Variants in DLG2 observed in about 807,000 individuals in gnomAD.
The protein encoded by DLG2 is disks large homolog 2.
Under a neutral mutation model 132.5 loss-of-function variants are expected in DLG2, and 45 were observed. That is an observed-to-expected ratio of 0.34 (90% CI 0.27 to 0.44). The LOEUF (loss-of-function observed/expected upper bound fraction) is 0.44. DLG2 is among the 20% of genes least tolerant of loss of function. The probability of loss-of-function intolerance (pLI) is 1.00; values close to 1 mark genes in which losing one functional copy is unlikely to be tolerated. For missense variants in DLG2, 1,045 were observed against 1,196.9 expected (o/e 0.87, Z 1.87); for synonymous variants, 424 against 419.6 (o/e 1.01, Z -0.13).
intron 6 of DLG2, among the ~76,000 whole-genome samples, chr11:84,587,101 G>T (rs1171071206): frequency 1.3e-5 from 2 of 151,368 alleles, no homozygotes; most frequent in Non-Finnish European, 2.9e-5. Flanking sequence ...GAGAGTGTGA[G>T]AAGTACATAT....
intron 7 of DLG2, among the ~76,000 whole-genome samples, chr11:84,308,530 C>T (rs2098251977): frequency 6.6e-6 from 1 of 152,230 alleles, no homozygotes; most frequent in Admixed American, 6.5e-5. Flanking sequence ...AGCTGCCTGC[C>T]AGTCCCCCGC....
chr11:85,314,134 T>G lies in DLG2; in HGVS notation c.41-28769A>C, dbSNP rs138893730. On this transcript the variant is annotated intron_variant, in intron 3 of 27. Transcript: ENST00000376104. ...AGGAACATTTATTGAGAACATACAATATGCCAAGCTCTGTGCTAAGCAACA... is the reference window on the plus strand; with the variant it reads ...AGGAACATTTATTGAGAACATACAAGATGCCAAGCTCTGTGCTAAGCAACA... Among the ~76,000 whole-genome samples, 614 of 152,126 alleles carry G rather than the reference T, an allele frequency of 4.0e-3. 8 individuals are homozygous for G. Among genetic ancestry groups the G allele is most frequent in the African/African-American group, 0.013 (534 of 41,558 alleles).
At chr11:83,794,851 C>T (rs146799235) in intron 17 of DLG2, among the ~76,000 whole-genome samples, 1,760 of 152,114 alleles carry the variant, frequency 0.012, 16 homozygotes, top group Middle Eastern at 0.031. Flanking sequence ...TGTCTAATTC[C>T]GAGGGTCTAC....
chr11:84,826,394 C>T (rs1599014054), intron 6 of DLG2, among the ~76,000 whole-genome samples: 2 of 151,962 alleles, frequency 1.3e-5, no homozygotes, highest in East Asian at 2.0e-4. Context: ...TCCACATCAA[C>T]AGCCTTGCTA....
At chr11:85,549,608 C>A (rs532548474) in intron 3 of DLG2, among the ~76,000 whole-genome samples, 1 of 152,268 alleles carries the variant, frequency 6.6e-6, no homozygotes, top group South Asian at 2.1e-4. Flanking sequence ...AAGACTGAGA[C>A]CTACTGGGCT....
chr11:85,503,365 G>A (rs1324448708), intron 3 of DLG2, among the ~76,000 whole-genome samples: 1 of 152,014 alleles, frequency 6.6e-6, no homozygotes, highest in Admixed American at 6.6e-5. Context: ...TTTGATCTGA[G>A]TCACTATATT....
chr11:83,500,282 C>T (rs1289613698), intron 21 of DLG2, among the ~76,000 whole-genome samples: 1 of 151,938 alleles, frequency 6.6e-6, no homozygotes, highest in Non-Finnish European at 1.5e-5. Flanking sequence ...ACGGAGGATC[C>T]TAGAGTAATT....
At chr11:85,144,352 T>A (rs1254720263) in intron 5 of DLG2, among the ~76,000 whole-genome samples, 1 of 103,910 alleles carries the variant, frequency 9.6e-6, no homozygotes, top group African/African-American at 4.4e-5. Flanking sequence ...ATTGGGTCTT[T>A]TTTTTTTTTT....
intron 2 of DLG2, among the ~76,000 whole-genome samples, chr11:85,607,741 G>A (rs1383001470): frequency 6.6e-6 from 1 of 152,150 alleles, no homozygotes; most frequent in Non-Finnish European, 1.5e-5. Flanking sequence ...TATTCCTACA[G>A]CTAGGATATG....
chr11:83,887,264 G>T (rs1163650020), intron 15 of DLG2, among the ~76,000 whole-genome samples: 2 of 151,872 alleles, frequency 1.3e-5, no homozygotes, highest in East Asian at 1.9e-4. Context: ...TGATAAAGGG[G>T]ATATCACCAC....
At chr11:84,811,675 C>T (rs2076574098) in intron 6 of DLG2, among the ~76,000 whole-genome samples, 1 of 152,090 alleles carries the variant, frequency 6.6e-6, no homozygotes, top group Admixed American at 6.6e-5. Flanking sequence ...AGCTATATGA[C>T]TGATAGGCTT....
At chr11:85,022,226 T>C (rs990000813) in intron 6 of DLG2, among the ~76,000 whole-genome samples, 1 of 150,644 alleles carries the variant, frequency 6.6e-6, no homozygotes, top group Non-Finnish European at 1.5e-5. Flanking sequence ...AAAAATGCAA[T>C]CAGAATAAAA....
rs540966345 is a variant in DLG2, at chr11:85,349,739, G to A, written c.41-64374C>T. Among the ~76,000 whole-genome samples the A allele has an allele frequency of 2.0e-5, 3 of 152,166 alleles. No individual in the cohort carries two copies. In the East Asian group the frequency reaches 5.8e-4, roughly 29 times the overall value. On this transcript the variant is annotated intron_variant, in intron 3 of 27. Transcript: ENST00000376104. ...ATCCATTTCCTTGTAAAGGACATGA[G>A]CTCATCCTTTTTTATGGCTGCATAG... is the stretch of plus-strand genomic sequence containing the variant.
intron 6 of DLG2, among the ~76,000 whole-genome samples, chr11:84,677,496 T>G (rs111763432): frequency 2.9e-4 from 44 of 152,236 alleles, no homozygotes; most frequent in African/African-American, 9.9e-4. Flanking sequence ...AAATGAGAAC[T>G]ACTTACAAAT....
intron 3 of DLG2, among the ~76,000 whole-genome samples, chr11:85,499,381 C>G (rs1203043824): frequency 6.6e-6 from 1 of 152,104 alleles, no homozygotes; most frequent in Non-Finnish European, 1.5e-5. Flanking sequence ...ATACAACCCC[C>G]AGGACTAAAC....
At chr11:85,507,840 C>T (rs2093970357) in intron 3 of DLG2, among the ~76,000 whole-genome samples, 1 of 152,182 alleles carries the variant, frequency 6.6e-6, no homozygotes, top group Admixed American at 6.5e-5. Flanking sequence ...CTTTCCAGTA[C>T]ACCAATCAGA....
chr11:84,041,180 A>G (rs1424528852), intron 11 of DLG2, among the ~76,000 whole-genome samples: 1 of 151,982 alleles, frequency 6.6e-6, no homozygotes. Flanking sequence ...TATGGATGCA[A>G]TACAATTATT....
intron 11 of DLG2, among the ~76,000 whole-genome samples, chr11:84,012,490 G>A (rs912353514): frequency 1.3e-5 from 2 of 152,096 alleles, no homozygotes; most frequent in Non-Finnish European, 2.9e-5. Flanking sequence ...TTTATATATT[G>A]CATGTAGGCA....
rs1028401002 is a variant in DLG2 at position 85,331,502 on chromosome 11, C to T, written c.41-46137G>A. Among the ~76,000 whole-genome samples, 3 of 151,994 alleles carry T rather than the reference C, an allele frequency of 2.0e-5. No homozygotes were observed. The South Asian group carries it at 6.2e-4, about 31-fold the overall frequency. On this transcript the variant is annotated intron_variant, in intron 3 of 27. Transcript: ENST00000376104. ...TACTTTAGAATTGGGCGTGCATATG[C>T]AGGTCTGTTACATGGGTAAATTGCA...
Sources: gnomAD v4.1 joint callset for allele counts (sites outside exome capture counted in the v4.1 genomes callset) on GRCh38, gnomAD v4.1.1 for gene constraint, MANE v1.5 for transcripts, NCBI Gene and HGNC (gene_info 2026-07-23, HGNC 2026-07-21) for gene names.